Variants in SPRED2 observed in about 807,000 individuals in gnomAD.
The protein encoded by SPRED2 is sprouty related EVH1 domain containing 2, also known as sprouty-related, EVH1 domain-containing protein 2.
SPRED2 carries 47 observed loss-of-function variants against 43.0 expected under a neutral mutation model. That is an observed-to-expected ratio of 1.09 (90% CI 0.87 to 1.40). The LOEUF (loss-of-function observed/expected upper bound fraction) is 1.40. Among genes scored for constraint, SPRED2 ranks in the 40% most tolerant of loss-of-function variants. The pLI is 0.00. For synonymous variants in SPRED2, 225 were observed against 225.7 expected (o/e 1.00, Z 0.03); for missense variants, 561 against 586.4 (o/e 0.96, Z 0.45).
intron 1 of SPRED2, among the ~76,000 whole-genome samples, chr2:65,381,204 T>C (rs1675365993): frequency 6.6e-6 from 1 of 152,228 alleles, no homozygotes; most frequent in South Asian, 2.1e-4. Context: ...CCTCAACTCG[T>C]AGCTCAGCTG....
chr2:65,398,467 T>C (rs959811505), intron 1 of SPRED2, among the ~76,000 whole-genome samples: 7 of 152,056 alleles, frequency 4.6e-5, no homozygotes, highest in Non-Finnish European at 8.8e-5. Flanking sequence ...GGAGAAAATC[T>C]TCACAATCTA....
Position 65,313,767 on chromosome 2 carries a change from CG to C in SPRED2, c.990del (p.Asp331ThrfsTer3). On this transcript the variant is annotated frameshift_variant, in exon 6 of 6. Coordinates refer to ENST00000356388, the MANE Select transcript of SPRED2 (RefSeq NM_181784.3). LOFTEE classifies it high-confidence loss of function. ...ENRRGHCQDA[P>X]DSVRTCIRRV... ...CGGCGGATGCAAGTTCTCACGGAGT[CG>C]GGCGCGTCCTGGCAGTGGCCCCGGC... is the stretch of plus-strand genomic sequence containing the variant. 1 of 1,614,178 alleles carries C rather than the reference CG, an allele frequency of 6.2e-7. No individual in the cohort carries two copies. Among genetic ancestry groups the C allele is most frequent in the Non-Finnish European group, 8.5e-7 (1 of 1,180,026 alleles).
chr2:65,355,644 G>C (rs976196912), intron 1 of SPRED2, among the ~76,000 whole-genome samples: 2 of 152,102 alleles, frequency 1.3e-5, no homozygotes, highest in Non-Finnish European at 2.9e-5. Context: ...CTTGAACCTA[G>C]GGGGCAGAGG....
downstream of SPRED2, among the ~76,000 whole-genome samples, chr2:65,307,447 C>T (rs555848460): frequency 3.4e-4 from 52 of 151,780 alleles, no homozygotes; most frequent in African/African-American, 9.4e-4. Flanking sequence ...CCACCCTCTT[C>T]GGCCTCCCAA....
intron 1 of SPRED2, among the ~76,000 whole-genome samples, chr2:65,422,627 A>G (rs1378928055): frequency 6.6e-6 from 1 of 152,106 alleles, no homozygotes; most frequent in Non-Finnish European, 1.5e-5. Flanking sequence ...GGGCCTAAGT[A>G]CATTCTAAAT....
At chr2:65,363,468 C>T (rs139365935) in intron 1 of SPRED2, among the ~76,000 whole-genome samples, 27 of 152,260 alleles carry the variant, frequency 1.8e-4, no homozygotes, top group African/African-American at 2.6e-4. Context: ...GGCTGATCCA[C>T]GCTTGTCTCT....
intron 1 of SPRED2, among the ~76,000 whole-genome samples, chr2:65,357,287 AG>A (rs1042552304): frequency 3.9e-5 from 6 of 152,240 alleles, no homozygotes; most frequent in Non-Finnish European, 7.3e-5. Flanking sequence ...TTCTCCCTGA[AG>A]CATGCTGGAC....
intron 1 of SPRED2, among the ~76,000 whole-genome samples, chr2:65,379,648 T>C (rs1273411854): frequency 6.6e-6 from 1 of 152,194 alleles, no homozygotes; most frequent in African/African-American, 2.4e-5. Context: ...TTCCATTTTA[T>C]AGATGAGCGT....
intron 2 of SPRED2, among the ~76,000 whole-genome samples, chr2:65,337,930 T>C (rs923414505): frequency 6.6e-6 from 1 of 152,212 alleles, no homozygotes; most frequent in Non-Finnish European, 1.5e-5. Flanking sequence ...TTTTTGATAT[T>C]AATGAGTCAG....
At chr2:65,401,165 G>C (rs1332049024) in intron 1 of SPRED2, among the ~76,000 whole-genome samples, 1 of 150,792 alleles carries the variant, frequency 6.6e-6, no homozygotes, top group East Asian at 2.0e-4. Flanking sequence ...TAGTAGAGAC[G>C]TGGTTTCACC....
chr2:65,391,327 T>C (rs896631526), intron 1 of SPRED2, among the ~76,000 whole-genome samples: 1 of 151,780 alleles, frequency 6.6e-6, no homozygotes, highest in African/African-American at 2.4e-5. Context: ...CATAAAAGAA[T>C]AAACAAGAAA....
intron 1 of SPRED2, among the ~76,000 whole-genome samples, chr2:65,422,524 G>C (rs1033315858): frequency 9.9e-5 from 15 of 152,174 alleles, no homozygotes; most frequent in Non-Finnish European, 2.1e-4. Context: ...GCACATGGTA[G>C]GCATTCAATG....
chr2:65,431,401 G>A (rs1190120154), intron 1 of SPRED2, among the ~76,000 whole-genome samples: 1 of 151,690 alleles, frequency 6.6e-6, no homozygotes, highest in East Asian at 1.9e-4. Flanking sequence ...GGGGACCCTG[G>A]CGCACCAGAC....
intron 4 of SPRED2, among the ~76,000 whole-genome samples, chr2:65,320,887 A>G (rs1673389267): frequency 1.3e-5 from 2 of 152,228 alleles, no homozygotes; most frequent in Admixed American, 1.3e-4. Flanking sequence ...GGGCTGCAGA[A>G]AAGCAGCCCA....
chr2:65,325,564 C>A (rs1261529276), intron 4 of SPRED2, among the ~76,000 whole-genome samples: 1 of 152,172 alleles, frequency 6.6e-6, no homozygotes, highest in East Asian at 1.9e-4. Flanking sequence ...CTAACAATTT[C>A]ATGTGCAATG....
At chr2:65,420,112 A>G (rs541419128) in intron 1 of SPRED2, among the ~76,000 whole-genome samples, 2 of 144,930 alleles carry the variant, frequency 1.4e-5, no homozygotes, top group Non-Finnish European at 3.0e-5. Context: ...TGGGAGGCAG[A>G]GGTGGGAGGA....
At chr2:65,390,336 C>T (rs771609670) in intron 1 of SPRED2, among the ~76,000 whole-genome samples, 11 of 152,214 alleles carry the variant, frequency 7.2e-5, no homozygotes, top group Admixed American at 1.3e-4. Context: ...CGGCTCCCTC[C>T]CGACAGGTGG....
chr2:65,361,105 CT>C (rs1198113062), intron 1 of SPRED2, among the ~76,000 whole-genome samples: 3 of 152,160 alleles, frequency 2.0e-5, no homozygotes, highest in Non-Finnish European at 4.4e-5. Flanking sequence ...AAAAAGTTAA[CT>C]TTCCCCTAAT....
Position 65,366,728 on chromosome 2 carries a change from C to T in SPRED2, c.27-21832G>A, listed in dbSNP as rs534751032. On this transcript the variant is annotated intron_variant, in intron 1 of 5. Coordinates refer to ENST00000356388, the MANE Select transcript of SPRED2 (RefSeq NM_181784.3). The stretch of plus-strand genomic sequence containing the variant: ...CAGCTGGCTGCCTGAGAAGTGGTTT[C>T]CCCCATATATGATTCAGTCTCCTTG... The T allele has an allele frequency of 1.6e-5, 24 of 1,507,162 alleles. No homozygotes were observed. In the South Asian group the frequency reaches 2.1e-4, roughly 13 times the overall value. The allele number at this position is 1,507,162 out of a possible 1,614,324, so 93.4% of individuals were successfully genotyped here.
Sources: gnomAD v4.1 joint callset for allele counts (sites outside exome capture counted in the v4.1 genomes callset) on GRCh38, gnomAD v4.1.1 for gene constraint, MANE v1.5 for transcripts, NCBI Gene and HGNC (gene_info 2026-07-23, HGNC 2026-07-21) for gene names.